LARGE1: variants seen among roughly 807,000 people sequenced by gnomAD.
The protein encoded by LARGE1 is xylosyl- and glucuronyltransferase LARGE1.
A neutral mutation model predicts 87.6 loss-of-function variants in LARGE1; 43 were observed. The ratio of observed to expected loss-of-function variants is 0.49; its 90% CI spans 0.38 to 0.63. The LOEUF is 0.63. LARGE1 is among the 30% of genes least tolerant of loss of function. The pLI is 0.00. For synonymous variants in LARGE1, 434 were observed against 394.6 expected (o/e 1.10, Z -1.18); for missense variants, 802 against 1,000.2 (o/e 0.80, Z 2.67).
intron 2 of LARGE1, chr22:33,743,280 A>G (rs2083956988): frequency 1.3e-5 from 2 of 152,146 alleles, no homozygotes; most frequent in South Asian, 2.1e-4. Flanking sequence ...GGCTTAATAT[A>G]CCCAGGTAGG....
At chr22:33,759,416 G>A (rs1039833266) in intron 2 of LARGE1, among the ~76,000 whole-genome samples, 1 of 152,076 alleles carries the variant, frequency 6.6e-6, no homozygotes, top group Non-Finnish European at 1.5e-5. Flanking sequence ...GCTCCATCTT[G>A]ACCACCTCTG....
chr22:33,377,687 A>G (rs554191411), intron 9 of LARGE1, among the ~76,000 whole-genome samples: 2 of 151,988 alleles, frequency 1.3e-5, no homozygotes, highest in African/African-American at 2.4e-5. Flanking sequence ...AATTTTCTCT[A>G]TTATCTCCTT....
the LARGE1 span, among the ~76,000 whole-genome samples, chr22:33,081,362 GA>G: frequency 6.6e-6 from 1 of 152,204 alleles, no homozygotes; most frequent in African/African-American, 2.4e-5. Flanking sequence ...GTCAGGGAAG[GA>G]CCATCTCCAG....
chr22:33,238,798 A>G (rs1401119039), intron 11 of LARGE1, among the ~76,000 whole-genome samples: 1 of 152,230 alleles, frequency 6.6e-6, no homozygotes, highest in Non-Finnish European at 1.5e-5. Context: ...CAGTACATAC[A>G]GAACCCTTTG....
intron 10 of LARGE1, 39 bp from the exon 11 acceptor site, chr22:33,316,287 AGGTCCGAGGG>A: frequency 6.2e-7 from 1 of 1,606,590 alleles, no homozygotes; most frequent in Non-Finnish European, 8.5e-7. Context: ...CGTGAAGAAG[AGGTCCGAGGG>A]GGCCCATGAG....
chr22:33,477,845 T>C (rs2069145521), intron 6 of LARGE1, among the ~76,000 whole-genome samples: 1 of 152,200 alleles, frequency 6.6e-6, no homozygotes, highest in African/African-American at 2.4e-5. Flanking sequence ...AGTGCTTGGA[T>C]AAAGGATCCC....
At chr22:33,568,263 C>T (rs1180332275) in intron 5 of LARGE1, among the ~76,000 whole-genome samples, 1 of 152,178 alleles carries the variant, frequency 6.6e-6, no homozygotes, top group East Asian at 1.9e-4. Flanking sequence ...CCTCACTTCC[C>T]TCCTGCCCAC....
downstream of LARGE1, among the ~76,000 whole-genome samples, chr22:33,269,524 C>G (rs1316234846): frequency 6.6e-5 from 10 of 152,094 alleles, no homozygotes; most frequent in Admixed American, 6.6e-4. Context: ...GTCACTAGAG[C>G]CCTTATTTTC....
At chr22:33,230,316 G>C (rs1602122244) in intron 11 of LARGE1, among the ~76,000 whole-genome samples, 1 of 152,008 alleles carries the variant, frequency 6.6e-6, no homozygotes, top group East Asian at 1.9e-4. Flanking sequence ...CACCATGCCT[G>C]GCCTCAAAGT....
chr22:33,596,254 C>T (rs1403249951), intron 5 of LARGE1, among the ~76,000 whole-genome samples: 1 of 152,168 alleles, frequency 6.6e-6, no homozygotes, highest in Non-Finnish European at 1.5e-5. Context: ...TTAGAGTTTG[C>T]ATTCATTGTC....
intron 2 of LARGE1, among the ~76,000 whole-genome samples, chr22:33,745,335 G>A (rs892074833): frequency 6.6e-6 from 1 of 152,088 alleles, no homozygotes; most frequent in African/African-American, 2.4e-5. Context: ...ACTCACTCTT[G>A]GTGATCTTTG....
At chr22:33,466,037 G>A (rs566764612) in intron 6 of LARGE1, among the ~76,000 whole-genome samples, 15 of 152,126 alleles carry the variant, frequency 9.9e-5, no homozygotes, top group South Asian at 4.1e-4. Context: ...TAGCCTATAC[G>A]TCCCTACCCA....
chr22:33,416,906 C>CTGTTTTTTTTTTT (rs2066514428), intron 7 of LARGE1, among the ~76,000 whole-genome samples: 1 of 90,174 alleles, frequency 1.1e-5, no homozygotes, highest in African/African-American at 5.7e-5. Context: ...CACGCCCGGA[C>CTGTTTTTTTTTTT]TTTTTTTTTT....
intron 1 of LARGE1, among the ~76,000 whole-genome samples, chr22:33,777,638 G>T (rs1253612094): frequency 7.6e-6 from 1 of 132,230 alleles, no homozygotes; most frequent in Non-Finnish European, 1.6e-5. Flanking sequence ...GAGGGAGGGA[G>T]GGGAAGGGGG....
chr22:33,885,166 C>T (rs1287002722), intron 1 of LARGE1, among the ~76,000 whole-genome samples: 1 of 152,168 alleles, frequency 6.6e-6, no homozygotes, highest in East Asian at 1.9e-4. Flanking sequence ...CGCTTTCAAA[C>T]CCAGGTTTGC....
chr22:33,355,791 G>T (rs1940836910), intron 9 of LARGE1, among the ~76,000 whole-genome samples: 1 of 151,548 alleles, frequency 6.6e-6, no homozygotes, highest in Admixed American at 6.6e-5. Context: ...CTTTACAATG[G>T]CGCTTCCTTT....
intron 1 of LARGE1, among the ~76,000 whole-genome samples, chr22:33,835,755 C>T (rs1408655163): frequency 3.9e-5 from 6 of 152,162 alleles, no homozygotes; most frequent in African/African-American, 1.2e-4. Context: ...TTGAGGCATA[C>T]GGTTAAAGCA....
chr22:33,168,204 A>G (rs1002163293), intron 11 of LARGE1, among the ~76,000 whole-genome samples: 1 of 152,206 alleles, frequency 6.6e-6, no homozygotes, highest in African/African-American at 2.4e-5. Flanking sequence ...TGCCAGCAAC[A>G]AGATTAATAT....
intron 5 of LARGE1, among the ~76,000 whole-genome samples, chr22:33,581,912 A>G (rs960529326): frequency 1.8e-4 from 28 of 152,166 alleles, no homozygotes; most frequent in Non-Finnish European, 4.1e-4. Flanking sequence ...TGATAGATAC[A>G]TCTTAAAGCT....
Sources: gnomAD v4.1 joint callset for allele counts (sites outside exome capture counted in the v4.1 genomes callset) on GRCh38, gnomAD v4.1.1 for gene constraint, MANE v1.5 for transcripts, NCBI Gene and HGNC (gene_info 2026-07-23, HGNC 2026-07-21) for gene names.